The following SSBP3 variants were observed in gnomAD, a reference collection of about 807,000 sequenced individuals.
The protein encoded by SSBP3 is single stranded DNA binding protein 3.
A neutral mutation model predicts 69.6 loss-of-function variants in SSBP3; 5 were observed. The ratio of observed to expected loss-of-function variants is 0.07; its 90% CI spans 0.04 to 0.15. The LOEUF (loss-of-function observed/expected upper bound fraction) is 0.15. SSBP3 is among the 10% of genes least tolerant of loss of function. The pLI is 1.00. For synonymous variants in SSBP3, 196 were observed against 193.4 expected, an observed-to-expected ratio of 1.01 and a Z score of -0.11; for missense variants, 312 against 534.0, an observed-to-expected ratio of 0.58 and a Z score of 4.10.
chr1:54,286,326 C>A (rs977392504), intron 4 of SSBP3: 4 of 152,196 alleles, frequency 2.6e-5, no homozygotes, highest in Non-Finnish European at 4.4e-5. Flanking sequence ...ATTTAAAATT[C>A]TTTTCTAAAC....
At chr1:54,400,115 G>A (rs1649189834) in intron 4 of SSBP3, among the ~76,000 whole-genome samples, 1 of 152,146 alleles carries the variant, frequency 6.6e-6, no homozygotes, top group South Asian at 2.1e-4. Context: ...GCAAACCCAT[G>A]TGCAAACTTT....
intron 4 of SSBP3, among the ~76,000 whole-genome samples, chr1:54,289,027 A>AAAAAC (rs1645548915): frequency 1.3e-5 from 1 of 76,138 alleles, no homozygotes; most frequent in South Asian, 3.7e-4. Context: ...CTCCAAAAAA[A>AAAAAC]AAAAAAAAAC....
At chr1:54,331,706 C>G (rs1339048019) in intron 4 of SSBP3, among the ~76,000 whole-genome samples, 1 of 152,218 alleles carries the variant, frequency 6.6e-6, no homozygotes, top group African/African-American at 2.4e-5. Flanking sequence ...CTTCTCTACC[C>G]TGGATGGTCA....
At chr1:54,354,304 A>C (rs4601533) in intron 4 of SSBP3, among the ~76,000 whole-genome samples, 18,515 of 152,290 alleles carry the variant, frequency 0.12, 1,440 homozygotes, top group East Asian at 0.28. Context: ...GCAGGTGGAC[A>C]GACCAGCAAT....
chr1:54,251,530 G>A, intron 9 of SSBP3, 86 bp downstream of exon 9: 1 of 1,375,632 alleles, frequency 7.3e-7, no homozygotes, highest in South Asian at 1.3e-5. Flanking sequence ...GAGAGATGTG[G>A]GAGACTGACA....
In SSBP3 at chr1:54,258,028, C is replaced by CCCCGCGT. The variant is rs1255757408; in HGVS notation, c.447+34_447+40dup. The CCCCGCGT allele has an allele frequency of 6.4e-7, 1 of 1,550,650 alleles. No homozygotes were observed. On this transcript the variant is annotated intron_variant, in intron 6 of 17. Coordinates refer to ENST00000610401, the Ensembl canonical transcript of SSBP3. The surrounding 1 kb of genome is among the most constrained non-coding windows in gnomAD (Gnocchi z 4.5). ...CTGCGGGCTCTCTGCTTCCTCCGCG[C>CCCCGCGT]CCCGCGTCCCCGGCGGGCGGGAGCG...
intron 4 of SSBP3, among the ~76,000 whole-genome samples, chr1:54,346,177 T>C (rs1013960496): frequency 6.7e-6 from 1 of 149,458 alleles, no homozygotes; most frequent in Non-Finnish European, 1.5e-5. Flanking sequence ...AAAAAAAAAT[T>C]AGCCAGGCGC....
chr1:54,244,005 C>T (rs1384055382), intron 9 of SSBP3, among the ~76,000 whole-genome samples: 1 of 152,166 alleles, frequency 6.6e-6, no homozygotes, highest in African/African-American at 2.4e-5. Flanking sequence ...TCATAACTCA[C>T]TGCAGCCTTG....
intron 4 of SSBP3, among the ~76,000 whole-genome samples, chr1:54,282,637 C>T (rs941450600): frequency 1.3e-5 from 2 of 152,280 alleles, no homozygotes; most frequent in Admixed American, 6.5e-5. Context: ...CTCACACAGG[C>T]GGGGCGGGGC....
At chr1:54,277,025 C>G (rs539213395) in intron 5 of SSBP3, among the ~76,000 whole-genome samples, 1 of 152,148 alleles carries the variant, frequency 6.6e-6, no homozygotes. Context: ...TGTGGGCAGA[C>G]TATGGTTGAT....
intron 4 of SSBP3, among the ~76,000 whole-genome samples, chr1:54,296,788 C>T (rs566991261): frequency 6.6e-6 from 1 of 152,232 alleles, no homozygotes; most frequent in South Asian, 2.1e-4. Context: ...ACCTGTTTTC[C>T]CCAAGGGTGG....
intron 4 of SSBP3, among the ~76,000 whole-genome samples, chr1:54,297,688 C>T (rs1645726271): frequency 6.6e-6 from 1 of 152,114 alleles, no homozygotes; most frequent in South Asian, 2.1e-4. Context: ...TCCCCATCAC[C>T]CTGGATAATC....
At chr1:54,243,012 G>A in intron 10 of SSBP3, 1 of 546,782 alleles carries the variant, frequency 1.8e-6, no homozygotes. Context: ...GATGAGGTGA[G>A]CTGATGCACG....
intron 4 of SSBP3, among the ~76,000 whole-genome samples, chr1:54,396,872 T>C (rs1370915314): frequency 5.9e-5 from 9 of 151,528 alleles, no homozygotes; most frequent in Middle Eastern, 3.4e-3. Context: ...TTGCCGCCAC[T>C]TGAAACCCAT....
At chr1:54,400,807 G>C (rs905786525) in intron 4 of SSBP3, among the ~76,000 whole-genome samples, 1 of 152,202 alleles carries the variant, frequency 6.6e-6, no homozygotes, top group African/African-American at 2.4e-5. Flanking sequence ...GAAATAACCA[G>C]ATGGGTCTGG....
intron 10 of SSBP3, 71 bp from the exon 11 acceptor site, chr1:54,242,283 G>A (rs1207598886): frequency 6.3e-7 from 1 of 1,576,674 alleles, no homozygotes; most frequent in Non-Finnish European, 8.7e-7. Flanking sequence ...AGGCAGCAGG[G>A]GCAGAAGGAA....
chr1:54,368,614 T>C (rs932021400), intron 4 of SSBP3, among the ~76,000 whole-genome samples: 5 of 152,180 alleles, frequency 3.3e-5, no homozygotes, highest in African/African-American at 9.7e-5. Flanking sequence ...TTTAAATCCA[T>C]CTACTCCACT....
intron 4 of SSBP3, among the ~76,000 whole-genome samples, chr1:54,282,052 A>ATAAT (rs1195279305): frequency 1.3e-5 from 2 of 150,558 alleles, no homozygotes; most frequent in African/African-American, 4.9e-5. Flanking sequence ...AATAATAATA[A>ATAAT]TAATAATAAT....
chr1:54,357,863 G>C (rs867762328), intron 4 of SSBP3, among the ~76,000 whole-genome samples: 2 of 152,174 alleles, frequency 1.3e-5, no homozygotes, highest in African/African-American at 2.4e-5. Flanking sequence ...CTTTCCACAT[G>C]CACAGCAGTC....
Sources: allele counts gnomAD v4.1 joint callset (sites outside exome capture counted in the v4.1 genomes callset), GRCh38; gene constraint gnomAD v4.1.1; non-coding constraint Gnocchi (gnomAD v3.1); transcripts MANE v1.5; gene names NCBI Gene and HGNC (gene_info 2026-07-23, HGNC 2026-07-21).